The following COL24A1 variants were observed in gnomAD, a reference collection of about 807,000 sequenced individuals.
COL24A1 encodes collagen alpha-1(XXIV) chain.
A neutral mutation model predicts 253.9 loss-of-function variants in COL24A1; 224 were observed. The observed-to-expected ratio is 0.88, with a 90% CI of 0.79 to 0.99. COL24A1 has a LOEUF of 0.99. COL24A1 is among the 50% of genes least tolerant of loss of function. The pLI is 0.00. For synonymous variants in COL24A1, 685 were observed against 673.7 expected (o/e 1.02, Z -0.26); for missense variants, 2,131 against 2,068.5 (o/e 1.03, Z -0.59).
chr1:86,052,993 A>G (rs1181575625), intron 10 of COL24A1, among the ~76,000 whole-genome samples: 1 of 152,056 alleles, frequency 6.6e-6, no homozygotes, highest in Non-Finnish European at 1.5e-5. Flanking sequence ...AGAGGGAGAG[A>G]GAGAATTTGT....
intron 57 of COL24A1, among the ~76,000 whole-genome samples, chr1:85,743,185 G>A (rs1340313178): frequency 1.3e-5 from 2 of 152,124 alleles, no homozygotes; most frequent in African/African-American, 4.8e-5. Flanking sequence ...GAGTAGTCTA[G>A]AGGGTCTTGT....
chr1:86,147,705 A>G (rs1652097321), intron 1 of COL24A1, among the ~76,000 whole-genome samples: 2 of 152,262 alleles, frequency 1.3e-5, no homozygotes, highest in African/African-American at 2.4e-5. Context: ...ATTCTAGTGC[A>G]GATTGTACGT....
chr1:86,090,151 C>A (rs1213318222), intron 6 of COL24A1, among the ~76,000 whole-genome samples: 1 of 152,136 alleles, frequency 6.6e-6, no homozygotes, highest in African/African-American at 2.4e-5. Flanking sequence ...TACCGATTAG[C>A]GCTACCTTTT....
At chr1:86,052,590 G>A (rs1700390964) in intron 10 of COL24A1, among the ~76,000 whole-genome samples, 1 of 152,004 alleles carries the variant, frequency 6.6e-6, no homozygotes. Context: ...GTGGAGAACG[G>A]GGAATTGTTT....
At chr1:85,783,699 G>A (rs992765843) in intron 50 of COL24A1, 141 bp from the exon 51 acceptor site, 2 of 711,286 alleles carry the variant, frequency 2.8e-6, no homozygotes, top group Non-Finnish European at 4.7e-6. Context: ...TCAGAAGGAA[G>A]TGTACTGAGG....
At chr1:86,054,257 C>A (rs1306631227) in intron 10 of COL24A1, among the ~76,000 whole-genome samples, 1 of 152,016 alleles carries the variant, frequency 6.6e-6, no homozygotes, top group Non-Finnish European at 1.5e-5. Flanking sequence ...GTGACTAAAT[C>A]TTCAAAAGCA....
intron 39 of COL24A1, among the ~76,000 whole-genome samples, chr1:85,844,427 A>G (rs975260608): frequency 5.3e-4 from 81 of 152,228 alleles, no homozygotes; most frequent in African/African-American, 1.8e-3. Flanking sequence ...TCAAAAGGGA[A>G]CAGGTAGCTT....
At chr1:85,934,771 C>T (rs1688110281) in intron 24 of COL24A1, among the ~76,000 whole-genome samples, 1 of 152,046 alleles carries the variant, frequency 6.6e-6, no homozygotes, top group Non-Finnish European at 1.5e-5. Context: ...CCACATTATG[C>T]AGGCAGAACT....
In COL24A1 at chr1:85,886,754, TAACA is replaced by T. The variant is rs375711771; in HGVS notation, c.2976+2802_2976+2805del. On this transcript the variant is annotated intron_variant, in intron 32 of 59. Coordinates refer to ENST00000370571, the MANE Select transcript of COL24A1 (RefSeq NM_152890.7). ...TGTGATATATTAATAGATTTCTTAA[TAACA>T]AACTTTTCCTTGATTGTAATTCTTC... Among the ~76,000 whole-genome samples the T allele has an allele frequency of 7.9e-5, 12 of 152,322 alleles. No homozygotes were observed. In the East Asian group the frequency reaches 1.9e-3, roughly 25 times the overall value.
chr1:86,151,125 A>G (rs1185700492), intron 1 of COL24A1, among the ~76,000 whole-genome samples: 2 of 152,058 alleles, frequency 1.3e-5, no homozygotes, highest in Non-Finnish European at 2.9e-5. Context: ...ATACATATAT[A>G]TAAAGCGTTT....
chr1:85,775,124 A>G (rs7297868), intron 53 of COL24A1, among the ~76,000 whole-genome samples: 1 of 152,056 alleles, frequency 6.6e-6, no homozygotes, highest in African/African-American at 2.4e-5. Flanking sequence ...TTATTTCGTT[A>G]GGTACCCAGT....
At chr1:85,999,682 AG>A (rs889623837) in intron 19 of COL24A1, among the ~76,000 whole-genome samples, 24 of 152,158 alleles carry the variant, frequency 1.6e-4, no homozygotes, top group African/African-American at 5.5e-4. Context: ...AAGAAAAAAA[AG>A]ATTCATCCTG....
At position 86,156,485 on chromosome 1, in the gene COL24A1, A is replaced by C; in HGVS notation, c.-89T>G. On this transcript the variant is annotated 5_prime_UTR_variant, in exon 1 of 60. Transcript: ENST00000370571. ...AGGGTGCAGGTACTGTCCATGAAAA[A>C]GGGAAAAAACAATCACATGAAAACC... 3.3e-6 allele frequency: 4 copies of C among 1,198,344 alleles called. No homozygotes were observed. The highest frequency in any genetic ancestry group is 4.6e-6 in the Non-Finnish European group (4 of 874,674). 74.2% of individuals were successfully genotyped at this position (1,198,344 alleles called of 1,614,324 possible). A position where few individuals can be genotyped will look rare whatever the true frequency, so the allele number is the denominator to read the frequency against.
chr1:85,940,400 T>A, intron 24 of COL24A1, among the ~76,000 whole-genome samples: 1 of 3,458 alleles, frequency 2.9e-4, no homozygotes, highest in Non-Finnish European at 7.3e-4. Context: ...CGAGACTCCG[T>A]CTCAAAAAAA....
chr1:85,806,722 C>G (rs2101840531), intron 47 of COL24A1, among the ~76,000 whole-genome samples: 1 of 152,294 alleles, frequency 6.6e-6, no homozygotes, highest in Admixed American at 6.5e-5. Flanking sequence ...GATATTGACT[C>G]ATGCATAAAT....
At chr1:85,913,209 C>T (rs190782956) in intron 24 of COL24A1, among the ~76,000 whole-genome samples, 1 of 152,272 alleles carries the variant, frequency 6.6e-6, no homozygotes, top group Non-Finnish European at 1.5e-5. Context: ...ATTCACTGGT[C>T]TCACTGTGTT....
At position 86,156,499 on chromosome 1, in the gene COL24A1, C is replaced by T; in HGVS notation, c.-103G>A. 9.5e-7 allele frequency: 1 copy of T among 1,056,692 alleles called. No individual in the cohort carries two copies. Among genetic ancestry groups the T allele is most frequent in the Non-Finnish European group, 1.3e-6 (1 of 753,084 alleles). The allele number at this position is 1,056,692 out of a possible 1,614,324, so 65.5% of individuals were successfully genotyped here. On this transcript the variant is annotated 5_prime_UTR_variant, in exon 1 of 60. It removes the in-frame stop codon of an upstream open reading frame in the 5' UTR. Coordinates refer to ENST00000370571, the MANE Select transcript of COL24A1 (RefSeq NM_152890.7). ...GTCCATGAAAAAGGGAAAAAACAAT[C>T]ACATGAAAACCATGCTTCAAACCCG...
At chr1:86,080,132 G>T (rs1458845517) in intron 7 of COL24A1, among the ~76,000 whole-genome samples, 1 of 152,212 alleles carries the variant, frequency 6.6e-6, no homozygotes, top group Admixed American at 6.5e-5. Context: ...CAGCATGGAT[G>T]GAACTGGAGG....
At chr1:85,927,396 C>T (rs1053780127) in intron 24 of COL24A1, among the ~76,000 whole-genome samples, 8 of 147,974 alleles carry the variant, frequency 5.4e-5, no homozygotes, top group East Asian at 2.1e-4. Context: ...CGGCGCACCA[C>T]GAGACTATAT....
Sources: gnomAD v4.1 joint callset for allele counts (sites outside exome capture counted in the v4.1 genomes callset) on GRCh38, gnomAD v4.1.1 for gene constraint, MANE v1.5 for transcripts, NCBI Gene and HGNC (gene_info 2026-07-23, HGNC 2026-07-21) for gene names.